ASB7: variants seen among roughly 807,000 people sequenced by gnomAD.
ASB7 encodes ankyrin repeat and SOCS box protein 7.
Under a neutral mutation model 32.5 loss-of-function variants are expected in ASB7, and 4 were observed. That is an observed-to-expected ratio of 0.12 (90% CI 0.06 to 0.28). ASB7 has a LOEUF of 0.28. Ranked by LOEUF, ASB7 falls within the 10% of genes least tolerant of loss-of-function variation. ASB7 has a pLI of 1.00. For synonymous variants in ASB7, 172 were observed against 155.6 expected, an observed-to-expected ratio of 1.11 and a Z score of -0.78; for missense variants, 181 against 407.1, an observed-to-expected ratio of 0.44 and a Z score of 4.78.
chr15:100,622,790 A>G (rs973010422), intron 4 of ASB7, among the ~76,000 whole-genome samples: 2 of 152,228 alleles, frequency 1.3e-5, no homozygotes, highest in Non-Finnish European at 2.9e-5. Context: ...ACAACATAAG[A>G]TGGATTAAAA....
At chr15:100,642,525 T>A (rs1026686114) in intron 5 of ASB7, among the ~76,000 whole-genome samples, 2 of 152,246 alleles carry the variant, frequency 1.3e-5, no homozygotes, top group South Asian at 4.1e-4. Flanking sequence ...ACAGGCTTCT[T>A]AAAGCCCTTC....
intron 4 of ASB7, among the ~76,000 whole-genome samples, chr15:100,628,239 C>CT (rs2039856434): frequency 6.6e-6 from 1 of 152,190 alleles, no homozygotes; most frequent in South Asian, 2.1e-4. Flanking sequence ...AACTCCTTCA[C>CT]TGAAATACTT....
intron 2 of ASB7, among the ~76,000 whole-genome samples, chr15:100,607,410 C>T (rs2039655087): frequency 6.6e-6 from 1 of 152,156 alleles, no homozygotes; most frequent in South Asian, 2.1e-4. Context: ...AAAGTAACAC[C>T]AGGAGGAAAT....
intron 4 of ASB7, among the ~76,000 whole-genome samples, chr15:100,620,019 A>G (rs1044992769): frequency 6.6e-6 from 1 of 152,214 alleles, no homozygotes; most frequent in Non-Finnish European, 1.5e-5. Context: ...CGGACACAGT[A>G]GCCATGTTTT....
intron 2 of ASB7, among the ~76,000 whole-genome samples, chr15:100,609,159 G>T (rs541629274): frequency 2.1e-4 from 32 of 152,162 alleles, no homozygotes; most frequent in Non-Finnish European, 3.5e-4. Flanking sequence ...ATCTAGTTCG[G>T]TGTATGCATA....
chr15:100,617,014 A>G (rs2039749621), intron 4 of ASB7, among the ~76,000 whole-genome samples: 1 of 152,200 alleles, frequency 6.6e-6, no homozygotes, highest in Admixed American at 6.5e-5. Flanking sequence ...CATGCCAGAA[A>G]TCTAGAAACC....
chr15:100,643,768 C>T (rs2039979098), intron 5 of ASB7, among the ~76,000 whole-genome samples: 2 of 151,578 alleles, frequency 1.3e-5, no homozygotes, highest in African/African-American at 2.4e-5. Flanking sequence ...GCTGGGATTA[C>T]AGACATGATG....
chr15:100,619,616 CCA>C (rs1345306919), intron 4 of ASB7, among the ~76,000 whole-genome samples: 1 of 152,196 alleles, frequency 6.6e-6, no homozygotes, highest in African/African-American at 2.4e-5. Context: ...GTGTCTAATA[CCA>C]GTCACTCACC....
At chr15:100,612,094 T>G in intron 3 of ASB7, 72 bp from the exon 4 acceptor site, 10 of 804,780 alleles carry the variant, frequency 1.2e-5, no homozygotes, top group Non-Finnish European at 2.1e-5. Context: ...GAATGTTCTG[T>G]GATATTTAAT....
intron 5 of ASB7, among the ~76,000 whole-genome samples, chr15:100,642,467 T>G (rs1391770826): frequency 4.6e-5 from 7 of 152,228 alleles, no homozygotes; most frequent in Admixed American, 2.6e-4. Flanking sequence ...TTCCCCGTCT[T>G]CCAGCTTCTA....
rs184249827 is a variant in ASB7, at chr15:100,634,621, T to C, written c.817+4579T>C. Among the ~76,000 whole-genome samples the C allele has an allele frequency of 3.6e-4, 55 of 152,234 alleles. 1 individual carries two copies. The East Asian group carries it at 0.01, about 29-fold the overall frequency. On this transcript the variant is annotated intron_variant, in intron 5 of 5. Coordinates refer to ENST00000332783, the MANE Select transcript of ASB7 (RefSeq NM_198243.3). ...GAGTTAGAGACCAGCCCGTCCAACA[T>C]GGTGAAACCCCGTCTCTACTAAAAA...
At chr15:100,643,590 A>G (rs1025774567) in intron 5 of ASB7, among the ~76,000 whole-genome samples, 1 of 149,244 alleles carries the variant, frequency 6.7e-6, no homozygotes, top group South Asian at 2.1e-4. Flanking sequence ...CCTGGGTTCA[A>G]GTGATTCTCC....
At chr15:100,618,208 C>G (rs2039760560) in intron 4 of ASB7, among the ~76,000 whole-genome samples, 1 of 152,158 alleles carries the variant, frequency 6.6e-6, no homozygotes, top group Non-Finnish European at 1.5e-5. Context: ...CCTCCGCCTC[C>G]CAGGTTCAAG....
intron 4 of ASB7, among the ~76,000 whole-genome samples, chr15:100,612,667 TG>T (rs1437437712): frequency 2.0e-5 from 3 of 152,248 alleles, no homozygotes; most frequent in Non-Finnish European, 2.9e-5. Context: ...CAGCCAGGTT[TG>T]CCCAGGTTAT....
intron 5 of ASB7, among the ~76,000 whole-genome samples, chr15:100,640,986 G>C (rs1004489179): frequency 3.9e-5 from 6 of 152,002 alleles, no homozygotes; most frequent in African/African-American, 1.4e-4. Context: ...GTAGTTTTTT[G>C]TGCATCCCCT....
At chr15:100,623,131 GCTCACAC>G (rs2039808220) in intron 4 of ASB7, among the ~76,000 whole-genome samples, 1 of 152,178 alleles carries the variant, frequency 6.6e-6, no homozygotes, top group South Asian at 2.1e-4. Flanking sequence ...AGGCGTGGTG[GCTCACAC>G]CTGTAATCCC....
In ASB7 at chr15:100,610,351, C is replaced by T. The variant is rs571186484; in HGVS notation, c.-52+523C>T. On this transcript the variant is annotated intron_variant, in intron 3 of 5. Coordinates refer to ENST00000332783, the MANE Select transcript of ASB7 (RefSeq NM_198243.3). ...CTACTAAAAATACAAAAAAATTAGC[C>T]GGGCGTGGTGGCAGGCGCCTGTAGT... Among the ~76,000 whole-genome samples the T allele has an allele frequency of 5.0e-4, 76 of 152,110 alleles. No homozygotes were observed. In the East Asian group the frequency reaches 0.013, roughly 26 times the overall value.
chr15:100,630,093 C>G, intron 5 of ASB7, 51 bp downstream of exon 5: 2 of 1,472,050 alleles, frequency 1.4e-6, no homozygotes, highest in South Asian at 2.8e-5. Flanking sequence ...TTTGCATCTT[C>G]TGAGGAGCTT....
At chr15:100,646,671 C>T (rs1453820514) in intron 5 of ASB7, 2 of 220,086 alleles carry the variant, frequency 9.1e-6, no homozygotes, top group African/African-American at 2.3e-5. Flanking sequence ...GGAGTGTACA[C>T]GACTTGCCCA....
Sources: allele counts gnomAD v4.1 joint callset (sites outside exome capture counted in the v4.1 genomes callset), GRCh38; gene constraint gnomAD v4.1.1; transcripts MANE v1.5; gene names NCBI Gene and HGNC (gene_info 2026-07-23, HGNC 2026-07-21).